The following ZNF638 variants were observed in gnomAD, a reference collection of about 807,000 sequenced individuals.
The protein encoded by ZNF638 is CTCL tumor antigen se33-1.
A neutral mutation model predicts 195.6 loss-of-function variants in ZNF638; 46 were observed. The observed-to-expected ratio is 0.24, with a 90% CI of 0.19 to 0.30. ZNF638 has a LOEUF of 0.30. Among genes scored for constraint, ZNF638 ranks in the 10% least tolerant of loss-of-function variants. The probability of loss-of-function intolerance (pLI) is 1.00; values close to 1 mark genes in which losing one functional copy is unlikely to be tolerated. For synonymous variants in ZNF638, 845 were observed against 772.0 expected (o/e 1.09, Z -1.57); for missense variants, 2,440 against 2,325.3 (o/e 1.05, Z -1.01).
At chr2:71,381,568 A>G (rs181678055) in intron 10 of ZNF638, among the ~76,000 whole-genome samples, 3 of 152,220 alleles carry the variant, frequency 2.0e-5, no homozygotes, top group Non-Finnish European at 2.9e-5. Flanking sequence ...CAATTATTCT[A>G]TTGAAGGCCT....
At chr2:71,388,737 G>C (rs1311515143) in intron 10 of ZNF638, 2 of 1,149,120 alleles carry the variant, frequency 1.7e-6, no homozygotes, top group Non-Finnish European at 2.6e-6. Context: ...AGTCATTGGT[G>C]CCCACTCGGG....
At chr2:71,391,453 C>A (rs371546364) in intron 10 of ZNF638, among the ~76,000 whole-genome samples, 7 of 152,174 alleles carry the variant, frequency 4.6e-5, no homozygotes, top group African/African-American at 1.7e-4. Context: ...GGCTTTGCTC[C>A]CCAGTAGAAA....
chr2:71,395,607 G>T (rs1558866762), intron 10 of ZNF638: 3 of 571,636 alleles, frequency 5.2e-6, no homozygotes, highest in Non-Finnish European at 9.8e-6. Flanking sequence ...GGCGGTGGGG[G>T]TGACAATTAC....
intron 3 of ZNF638, among the ~76,000 whole-genome samples, chr2:71,358,882 T>G (rs2079065028): frequency 6.6e-6 from 1 of 152,254 alleles, no homozygotes; most frequent in Non-Finnish European, 1.5e-5. Context: ...CTATACCTGT[T>G]AATGGCAATC....
intron 20 of ZNF638, chr2:71,408,658 C>G (rs1292343612): frequency 2.8e-6 from 1 of 360,954 alleles, no homozygotes; most frequent in Non-Finnish European, 5.5e-6. Flanking sequence ...AATAAGATTT[C>G]ACAGGTTCTT....
chr2:71,355,774 G>A lies in ZNF638; in HGVS notation c.1373G>A (p.Arg458His), dbSNP rs1233988860. 1.9e-6 allele frequency: 3 copies of A among 1,581,332 alleles called. No individual in the cohort carries two copies. Among genetic ancestry groups the A allele is most frequent in the Non-Finnish European group, 1.7e-6 (2 of 1,159,916 alleles). ...STHIESCRQLRQQYPDWNPEI... is the reference protein window; with the variant it reads ...STHIESCRQLHQQYPDWNPEI... ...CATATTGAGAGCTGTCGACAGTTAC[G>A]TCAACAGTAAGAATATATTTTTCCT... Residue 458 changes from arginine (R) to histidine (H), a missense_variant, in exon 3 of 28, where the codon CGT becomes CAT. Physicochemically the swap from Arg to His is conservative, Grantham distance 29 (BLOSUM62 0). Transcript: ENST00000264447.
chr2:71,368,572 CT>C, intron 7 of ZNF638, 44 bp downstream of exon 7: 1 of 1,596,634 alleles, frequency 6.3e-7, no homozygotes. Flanking sequence ...AAAGTGATTG[CT>C]TTAATGATTC....
rs142786476 is a variant in ZNF638 at position 71,364,115 on chromosome 2, A to G, written c.1580A>G (p.His527Arg). ...AGAAGTCGAAGTCCAAGAATTTGCC[A>G]TCGTTTCATTTCTAGATACAGATCC... ...RPRSRSPRIC[H>R]RFISRYRSRS... The change falls in exon 5 of 28, where the codon CAT becomes CGT. Residue 527 changes from histidine (H) to arginine (R), a missense_variant. This residue lies in a region of ZNF638 where 1,883 missense variants were observed against 1,739.1 expected (regional missense o/e 1.08). Transcript: ENST00000264447. The G allele has an allele frequency of 3.7e-5, 60 of 1,614,030 alleles. No homozygotes were observed. The highest frequency in any genetic ancestry group is 4.6e-5 in the Non-Finnish European group (54 of 1,180,026).
chr2:71,364,891 C>T (rs893079888), intron 5 of ZNF638, among the ~76,000 whole-genome samples: 6 of 152,154 alleles, frequency 3.9e-5, no homozygotes, highest in Non-Finnish European at 2.9e-5. Flanking sequence ...TAATTACATG[C>T]CTCCATGAGG....
chr2:71,372,867 T>C (rs1220074846), intron 8 of ZNF638, among the ~76,000 whole-genome samples: 1 of 152,238 alleles, frequency 6.6e-6, no homozygotes, highest in African/African-American at 2.4e-5. Flanking sequence ...CTTTGTAACT[T>C]CTCTATAGTG....
At chr2:71,385,668 T>G (rs2079622243) in intron 10 of ZNF638, among the ~76,000 whole-genome samples, 1 of 152,216 alleles carries the variant, frequency 6.6e-6, no homozygotes, top group Admixed American at 6.5e-5. Context: ...GTTGGTAGAT[T>G]GTATCAATTG....
At position 71,426,817 on chromosome 2, in the gene ZNF638, G is replaced by T; in HGVS notation, c.4948G>T (p.Asp1650Tyr). Residue 1650 changes from aspartate to tyrosine, a missense_variant, in exon 24 of 28, where the codon GAC becomes TAC. Physicochemically the swap from Asp to Tyr is radical, Grantham distance 160. Transcript: ENST00000264447. ...NSLFTLDELI[D>Y]QDDCISHSEP... ...ACTTTTTACATTAGATGAATTAATT[G>T]ACCAAGATGATTGCATTTCCCACAG... 6.2e-7 allele frequency: 1 copy of T among 1,613,274 alleles called. No homozygotes were observed. The highest frequency in any genetic ancestry group is 1.1e-5 in the South Asian group (1 of 90,950).
chr2:71,405,896 G>A (rs2080096390), intron 18 of ZNF638, among the ~76,000 whole-genome samples: 1 of 152,026 alleles, frequency 6.6e-6, no homozygotes, highest in Non-Finnish European at 1.5e-5. Context: ...AGGATGTTTT[G>A]GGTAAACGTT....
In ZNF638 at chr2:71,364,133, A is replaced by G; in HGVS notation, c.1598A>G (p.Tyr533Cys). Residue 533 changes from tyrosine to cysteine, a missense_variant, in exon 5 of 28, where the codon TAC (tyrosine) becomes TGC (cysteine). By Grantham distance (194) the Tyr-to-Cys change is radical. This residue lies in a region of ZNF638 where 1,883 missense variants were observed against 1,739.1 expected (regional missense o/e 1.08). Transcript: ENST00000264447. The stretch of plus-strand genomic sequence containing the variant: ...ATTTGCCATCGTTTCATTTCTAGAT[A>G]CAGATCCAGATCCAGATCCCGTTCA... The part of the protein sequence containing the change: ...PRICHRFISR[Y>C]RSRSRSRSPY... The G allele has an allele frequency of 6.2e-7, 1 of 1,614,160 alleles. No homozygotes were observed. The highest frequency in any genetic ancestry group is 1.1e-5 in the South Asian group (1 of 91,076).
At chr2:71,406,438 A>G (rs1461314644) in intron 19 of ZNF638, among the ~76,000 whole-genome samples, 176 bp downstream of exon 19, 1 of 152,086 alleles carries the variant, frequency 6.6e-6, no homozygotes, top group Non-Finnish European at 1.5e-5. Flanking sequence ...AGAAGAGATG[A>G]CCTCTCTTTT....
At chr2:71,371,130 A>C (rs1442292507) in intron 8 of ZNF638, among the ~76,000 whole-genome samples, 1 of 152,188 alleles carries the variant, frequency 6.6e-6, no homozygotes, top group African/African-American at 2.4e-5. Context: ...TTCACTTAAT[A>C]TAATGACTTC....
intron 1 of ZNF638, among the ~76,000 whole-genome samples, chr2:71,347,538 A>G (rs915332872): frequency 9.2e-5 from 14 of 152,232 alleles, no homozygotes; most frequent in African/African-American, 3.4e-4. Flanking sequence ...GTTGATGTTT[A>G]TAACAATTGT....
chr2:71,343,525 C>G (rs1261155584), intron 1 of ZNF638, among the ~76,000 whole-genome samples: 1 of 152,002 alleles, frequency 6.6e-6, no homozygotes, highest in Non-Finnish European at 1.5e-5. Flanking sequence ...CAGTGTTTAG[C>G]AAAATTGAGA....
chr2:71,341,976 A>G (rs1388254665), intron 1 of ZNF638: 1 of 152,206 alleles, frequency 6.6e-6, no homozygotes, highest in Admixed American at 6.5e-5. Context: ...TCTTACCAAG[A>G]TCACTTTGCT....
Sources: gnomAD v4.1 joint callset for allele counts (sites outside exome capture counted in the v4.1 genomes callset) on GRCh38, gnomAD v4.1.1 for gene constraint, gnomAD v4.1.1 regional missense constraint, MANE v1.5 for transcripts, NCBI Gene and HGNC (gene_info 2026-07-23, HGNC 2026-07-21) for gene names.